FAM120B: variants seen among roughly 807,000 people sequenced by gnomAD.
FAM120B encodes family with sequence similarity 120 member B.
FAM120B carries 83 observed loss-of-function variants against 96.3 expected under a neutral mutation model. That is an observed-to-expected ratio of 0.86 (90% CI 0.72 to 1.03). FAM120B has a LOEUF of 1.03. FAM120B is among the 50% of genes least tolerant of loss of function. FAM120B has a pLI of 0.00. For missense variants in FAM120B, 1,027 were observed against 1,121.2 expected, an observed-to-expected ratio of 0.92 and a Z score of 1.20; for synonymous variants, 407 against 402.7, an observed-to-expected ratio of 1.01 and a Z score of -0.13.
intron 4 of FAM120B, among the ~76,000 whole-genome samples, chr6:170,333,765 C>G (rs1414953219): frequency 6.6e-6 from 1 of 151,098 alleles, no homozygotes. Context: ...GGATTACAGG[C>G]GTCAGCCACT....
At chr6:170,360,299 A>G (rs925190886) in intron 6 of FAM120B, among the ~76,000 whole-genome samples, 1 of 152,184 alleles carries the variant, frequency 6.6e-6, no homozygotes, top group African/African-American at 2.4e-5. Context: ...AAATGAAGAA[A>G]CCAAGATTTA....
chr6:170,322,879 G>C (rs1785384673), intron 2 of FAM120B, among the ~76,000 whole-genome samples, 200 bp from the exon 3 acceptor site: 1 of 152,054 alleles, frequency 6.6e-6, no homozygotes, highest in African/African-American at 2.4e-5. Flanking sequence ...GAGAGAGGAG[G>C]AGGAGGGGGA....
chr6:170,358,301 C>T lies in FAM120B; in HGVS notation c.2266C>T (p.Gln756Ter). ...ALCLQGKSTS[Q>*]LVNLQPDYIN... is the part of the protein sequence containing the mutation. ...GTGCCTCCAAGGAAAATCCACCTCG[C>T]AGCTTGTAAATCTACAGGTACAGAC... Residue 756 changes from glutamine to a stop codon, truncating the protein, a stop_gained, in exon 6 of 11, where the codon CAG becomes TAG. Transcript: ENST00000476287. LOFTEE classifies it high-confidence loss of function. The T allele has an allele frequency of 6.2e-7, 1 of 1,605,450 alleles. No homozygotes were observed. The highest frequency in any genetic ancestry group is 1.1e-5 in the South Asian group (1 of 89,800).
chr6:170,386,732 G>C (rs1448696434), intron 6 of FAM120B, among the ~76,000 whole-genome samples: 1 of 152,184 alleles, frequency 6.6e-6, no homozygotes, highest in Admixed American at 6.5e-5. Context: ...AAGAAGGAAG[G>C]CTTTCCAACT....
chr6:170,376,184 C>T (rs529200451), intron 6 of FAM120B, among the ~76,000 whole-genome samples: 6 of 152,094 alleles, frequency 3.9e-5, no homozygotes, highest in South Asian at 4.2e-4. Context: ...TTCTCTAGTT[C>T]GGGTCTCTAA....
chr6:170,328,357 A>G (rs1431092851), intron 3 of FAM120B, among the ~76,000 whole-genome samples: 1 of 152,196 alleles, frequency 6.6e-6, no homozygotes, highest in Non-Finnish European at 1.5e-5. Flanking sequence ...TTCACCAGAA[A>G]TGTGTGTGCA....
At chr6:170,365,520 TTGA>T (rs1788726428) in intron 6 of FAM120B, among the ~76,000 whole-genome samples, 1 of 152,214 alleles carries the variant, frequency 6.6e-6, no homozygotes, top group Non-Finnish European at 1.5e-5. Flanking sequence ...GACAGTGCTT[TTGA>T]TGATAGCAGA....
intron 9 of FAM120B, chr6:170,404,135 AG>A (rs1344206672): frequency 1.8e-5 from 3 of 168,806 alleles, no homozygotes; most frequent in Non-Finnish European, 2.5e-5. Flanking sequence ...CCTGTCTATC[AG>A]AAAGGCAGAC....
chr6:170,385,614 A>G (rs1790142050), intron 6 of FAM120B, among the ~76,000 whole-genome samples: 1 of 152,198 alleles, frequency 6.6e-6, no homozygotes, highest in African/African-American at 2.4e-5. Context: ...TAACAAAGCT[A>G]AACAGGTCTT....
intron 1 of FAM120B, among the ~76,000 whole-genome samples, 159 bp downstream of exon 1, chr6:170,307,001 G>T (rs1784324046): frequency 6.6e-6 from 1 of 152,202 alleles, no homozygotes; most frequent in Non-Finnish European, 1.5e-5. Context: ...CACCGCGGCT[G>T]CGACATCATG....
intron 1 of FAM120B, among the ~76,000 whole-genome samples, chr6:170,312,934 G>A (rs533333727): frequency 6.6e-6 from 1 of 152,338 alleles, no homozygotes; most frequent in South Asian, 2.1e-4. Flanking sequence ...AGATATCAAA[G>A]GTGGGTTCTC....
intron 6 of FAM120B, among the ~76,000 whole-genome samples, chr6:170,359,419 A>G (rs1788194418): frequency 6.6e-6 from 1 of 151,184 alleles, no homozygotes; most frequent in South Asian, 2.1e-4. Flanking sequence ...TCACCTCACA[A>G]CTTATTTTTT....
rs1790319765 is a variant in FAM120B, at chr6:170,388,506, A to G, written c.2490+13A>G. ...TTTAGAACAAAATGTGAGTTCACAG[A>G]CACCTACCTTTCACCAGAAACATCC... On this transcript the variant is annotated intron_variant, in intron 7 of 10. Coordinates refer to ENST00000476287, the MANE Select transcript of FAM120B (RefSeq NM_032448.3). 3 of 1,608,830 alleles carry G rather than the reference A, an allele frequency of 1.9e-6. No individual in the cohort carries two copies. Among genetic ancestry groups the G allele is most frequent in the East Asian group, 4.5e-5 (2 of 44,864 alleles).
chr6:170,343,046 A>G (rs908106657), intron 4 of FAM120B, among the ~76,000 whole-genome samples: 4 of 152,158 alleles, frequency 2.6e-5, no homozygotes, highest in Non-Finnish European at 4.4e-5. Flanking sequence ...CTTATTAACA[A>G]TTCTCTTGCA....
intron 6 of FAM120B, among the ~76,000 whole-genome samples, chr6:170,364,936 G>T (rs1562570611): frequency 6.6e-6 from 1 of 152,124 alleles, no homozygotes; most frequent in Non-Finnish European, 1.5e-5. Context: ...TGTTCATATA[G>T]ATGACCATGG....
intron 6 of FAM120B, among the ~76,000 whole-genome samples, chr6:170,371,706 C>G (rs1219620444): frequency 6.6e-6 from 1 of 152,238 alleles, no homozygotes; most frequent in Non-Finnish European, 1.5e-5. Context: ...GCCTGGTGGT[C>G]AGAGCCCCCT....
Position 170,323,950 on chromosome 6 carries a change from A to G in FAM120B, c.1915+691A>G, listed in dbSNP as rs570745985. Among the ~76,000 whole-genome samples, 31 of 152,272 alleles carry G rather than the reference A, an allele frequency of 2.0e-4. No individual in the cohort carries two copies. The South Asian group carries it at 3.7e-3, about 18-fold the overall frequency. ...TGTTGAATGCATTTAGTGCCCTTCT[A>G]TTTCAGTAAGGCCTTGTTCATTTTA... On this transcript the variant is annotated intron_variant, in intron 3 of 10. Coordinates refer to ENST00000476287, the MANE Select transcript of FAM120B (RefSeq NM_032448.3).
intron 6 of FAM120B, among the ~76,000 whole-genome samples, chr6:170,369,047 A>G (rs1233771565): frequency 3.3e-5 from 5 of 151,618 alleles, no homozygotes; most frequent in Admixed American, 1.3e-4. Context: ...ATTTGCCCGT[A>G]GCAGTAGAAA....
chr6:170,383,602 T>C (rs1460159597), intron 6 of FAM120B, among the ~76,000 whole-genome samples: 2 of 152,216 alleles, frequency 1.3e-5, no homozygotes, highest in Non-Finnish European at 2.9e-5. Flanking sequence ...GAGATAGCAC[T>C]ACACACGGAT....
Sources: gnomAD v4.1 joint callset for allele counts (sites outside exome capture counted in the v4.1 genomes callset) on GRCh38, gnomAD v4.1.1 for gene constraint, MANE v1.5 for transcripts, NCBI Gene and HGNC (gene_info 2026-07-23, HGNC 2026-07-21) for gene names.